PLCE1: variants seen among roughly 807,000 people sequenced by gnomAD.
The protein encoded by PLCE1 is phospholipase C epsilon 1.
PLCE1 carries 119 observed loss-of-function variants against 242.8 expected under a neutral mutation model. The observed-to-expected ratio is 0.49, with a 90% CI of 0.42 to 0.57. The LOEUF (loss-of-function observed/expected upper bound fraction) is 0.57. PLCE1 is among the 20% of genes least tolerant of loss of function. The probability of loss-of-function intolerance (pLI) is 0.00; values close to 1 mark genes in which losing one functional copy is unlikely to be tolerated. For missense variants in PLCE1, 2,441 were observed against 2,788.8 expected, an observed-to-expected ratio of 0.88 and a Z score of 2.81; for synonymous variants, 945 against 1,017.4, an observed-to-expected ratio of 0.93 and a Z score of 1.35.
intron 32 of PLCE1, among the ~76,000 whole-genome samples, chr10:94,327,246 G>GTCTT (rs1163388372): frequency 2.6e-5 from 4 of 152,012 alleles, no homozygotes; most frequent in East Asian, 1.9e-4. Context: ...CTTTACAATG[G>GTCTT]TCTTTTCAAG....
intron 2 of PLCE1, among the ~76,000 whole-genome samples, chr10:94,087,900 T>G (rs2044896297): frequency 6.6e-6 from 1 of 152,246 alleles, no homozygotes; most frequent in Non-Finnish European, 1.5e-5. Flanking sequence ...GGCCTTGCAT[T>G]TAGGCCAGGA....
chr10:94,252,656 C>G (rs537080651), intron 9 of PLCE1, among the ~76,000 whole-genome samples, 158 bp downstream of exon 9: 1 of 152,210 alleles, frequency 6.6e-6, no homozygotes, highest in African/African-American at 2.4e-5. Context: ...TGGTGCCATG[C>G]TAGTGCCAGG....
intron 2 of PLCE1, 86 bp downstream of exon 2, chr10:94,032,338 T>A (rs1464524971): frequency 8.1e-7 from 1 of 1,235,406 alleles, no homozygotes; most frequent in Admixed American, 1.9e-5. Context: ...TCATAATTGA[T>A]GAGAAATTTT....
intron 22 of PLCE1, among the ~76,000 whole-genome samples, chr10:94,290,947 G>T (rs2052624483): frequency 6.6e-6 from 1 of 152,066 alleles, no homozygotes; most frequent in African/African-American, 2.4e-5. Flanking sequence ...GACAGCAGAA[G>T]GTGATAGGAA....
chr10:94,094,323 G>A (rs1296783262), intron 2 of PLCE1, among the ~76,000 whole-genome samples: 2 of 118,192 alleles, frequency 1.7e-5, no homozygotes, highest in Admixed American at 7.3e-5. Flanking sequence ...CCGTGTTAGA[G>A]AGAAACAGTA....
intron 2 of PLCE1, among the ~76,000 whole-genome samples, chr10:94,128,147 C>G (rs964504516): frequency 6.6e-6 from 1 of 152,048 alleles, no homozygotes; most frequent in Non-Finnish European, 1.5e-5. Context: ...GCCACCACAC[C>G]CAACTCATTT....
intron 7 of PLCE1, among the ~76,000 whole-genome samples, chr10:94,244,131 T>G (rs905890151): frequency 3.3e-5 from 5 of 152,142 alleles, no homozygotes; most frequent in African/African-American, 1.2e-4. Flanking sequence ...TTAAAGAATA[T>G]CCACGTGTGG....
chr10:94,263,513 CAAAAA>C (rs780289280), intron 14 of PLCE1, among the ~76,000 whole-genome samples: 2 of 76,848 alleles, frequency 2.6e-5, no homozygotes, highest in African/African-American at 4.7e-5. Flanking sequence ...GACCCCATCT[CAAAAA>C]AAAAAAAAAA....
intron 3 of PLCE1, among the ~76,000 whole-genome samples, chr10:94,165,706 G>A (rs148043549): frequency 4.4e-4 from 66 of 151,594 alleles, no homozygotes; most frequent in Non-Finnish European, 3.5e-4. Flanking sequence ...TTTGGATATC[G>A]TTTTGATCTT....
At chr10:94,003,118 T>C (rs765298490) in intron 1 of PLCE1, among the ~76,000 whole-genome samples, 10 of 152,226 alleles carry the variant, frequency 6.6e-5, no homozygotes, top group Non-Finnish European at 1.0e-4. Flanking sequence ...TAGAGAATTA[T>C]ATTACCCACA....
intron 29 of PLCE1, among the ~76,000 whole-genome samples, chr10:94,320,569 A>T (rs559441945): frequency 6.6e-6 from 1 of 152,210 alleles, no homozygotes; most frequent in African/African-American, 2.4e-5. Flanking sequence ...CTGGTTAGTT[A>T]GTTAGCACCC....
Position 94,104,128 on chromosome 10 carries a change from C to T in PLCE1, c.1207-28046C>T, listed in dbSNP as rs754190277. On this transcript the variant is annotated intron_variant, in intron 2 of 32. Transcript: ENST00000371380. ...GTCAATGTGCGGCCACTCTCAGCTGCGTGGTGTTGCCTATAGCAACTAAGA... is the reference window on the plus strand; with the variant it reads ...GTCAATGTGCGGCCACTCTCAGCTGTGTGGTGTTGCCTATAGCAACTAAGA... 4 of 152,190 alleles carry T rather than the reference C, an allele frequency of 2.6e-5. No individual in the cohort carries two copies. In the East Asian group the frequency reaches 7.7e-4, roughly 29 times the overall value. 9.4% of individuals were successfully genotyped at this position (152,190 alleles called of 1,614,324 possible).
At chr10:94,174,546 A>C (rs919170680) in intron 4 of PLCE1, among the ~76,000 whole-genome samples, 1 of 152,198 alleles carries the variant, frequency 6.6e-6, no homozygotes, top group Admixed American at 6.5e-5. Flanking sequence ...CCCGGTAGAC[A>C]CTGGCTTGAC....
intron 24 of PLCE1, among the ~76,000 whole-genome samples, chr10:94,303,293 G>C (rs549439323): frequency 5.9e-5 from 9 of 152,340 alleles, no homozygotes; most frequent in African/African-American, 2.2e-4. Context: ...TATTCATCAG[G>C]TGTGTCTCAT....
chr10:94,122,330 A>C (rs1284215333), intron 2 of PLCE1, among the ~76,000 whole-genome samples: 1 of 152,198 alleles, frequency 6.6e-6, no homozygotes, highest in African/African-American at 2.4e-5. Flanking sequence ...GCCTGACATC[A>C]CAATCCTAAA....
chr10:94,147,378 C>T (rs1051735476), intron 3 of PLCE1, among the ~76,000 whole-genome samples: 31 of 151,784 alleles, frequency 2.0e-4, no homozygotes, highest in African/African-American at 7.3e-4. Context: ...GCCAAGATGG[C>T]GCCACTGCAC....
intron 4 of PLCE1, among the ~76,000 whole-genome samples, chr10:94,211,581 T>C (rs2049331798): frequency 6.6e-6 from 1 of 152,260 alleles, no homozygotes; most frequent in South Asian, 2.1e-4. Context: ...TAAAAGTTGG[T>C]CTGCTTTCTG....
At chr10:94,108,934 C>T (rs576788558) in intron 2 of PLCE1, 1 of 152,324 alleles carries the variant, frequency 6.6e-6, no homozygotes, top group Admixed American at 6.5e-5. Flanking sequence ...TCACATATGT[C>T]GTTTCATATT....
intron 11 of PLCE1, among the ~76,000 whole-genome samples, chr10:94,256,333 A>G (rs1445060379): frequency 7.4e-6 from 1 of 135,330 alleles, no homozygotes; most frequent in African/African-American, 2.9e-5. Context: ...CAAAAAAAAA[A>G]AAAAAAAAGA....
Sources: allele counts gnomAD v4.1 joint callset (sites outside exome capture counted in the v4.1 genomes callset), GRCh38; gene constraint gnomAD v4.1.1; transcripts MANE v1.5; gene names NCBI Gene and HGNC (gene_info 2026-07-23, HGNC 2026-07-21).